The following RBFOX1 variants were observed in gnomAD, a reference collection of about 807,000 sequenced individuals.
RBFOX1 encodes RNA binding fox-1 homolog 1.
In RBFOX1, 8 loss-of-function variants were observed where a neutral mutation model predicts 57.7. That is an observed-to-expected ratio of 0.14 (90% CI 0.08 to 0.25). The LOEUF (loss-of-function observed/expected upper bound fraction) is 0.25, where lower values mean the gene tolerates loss of function less well. Among genes scored for constraint, RBFOX1 ranks in the 10% least tolerant of loss-of-function variants. RBFOX1 has a pLI of 1.00. For missense variants in RBFOX1, 611 were observed against 548.5 expected (o/e 1.11, Z -1.14); for synonymous variants, 326 against 222.4 (o/e 1.47, Z -4.15).
At chr16:6,883,579 G>C (rs1306102221) in intron 3 of RBFOX1, among the ~76,000 whole-genome samples, 5 of 152,188 alleles carry the variant, frequency 3.3e-5, no homozygotes, top group Non-Finnish European at 7.3e-5. Flanking sequence ...ACCTTTAAGA[G>C]AAAATATTGA....
At chr16:6,877,150 C>T (rs2061996400) in intron 3 of RBFOX1, among the ~76,000 whole-genome samples, 1 of 152,138 alleles carries the variant, frequency 6.6e-6, no homozygotes, top group African/African-American at 2.4e-5. Context: ...AACAAAAAAG[C>T]AGACGAATGA....
intron 4 of RBFOX1, among the ~76,000 whole-genome samples, chr16:5,920,183 C>G (rs561977515): frequency 6.6e-6 from 1 of 152,350 alleles, no homozygotes; most frequent in Non-Finnish European, 1.5e-5. Context: ...ATCCACCTGC[C>G]TTGGCCTCCC....
At chr16:6,742,322 T>C (rs1295663284) in intron 3 of RBFOX1, among the ~76,000 whole-genome samples, 1 of 152,174 alleles carries the variant, frequency 6.6e-6, no homozygotes, top group Non-Finnish European at 1.5e-5. Flanking sequence ...AAATTTAAGA[T>C]AGAAACTATC....
intron 4 of RBFOX1, among the ~76,000 whole-genome samples, chr16:7,143,691 T>C (rs909965384): frequency 6.6e-6 from 1 of 152,120 alleles, no homozygotes; most frequent in Non-Finnish European, 1.5e-5. Context: ...TCCTCAGCAT[T>C]AAAACTTCTC....
At chr16:6,656,841 CTTT>C (rs1388926708) in intron 3 of RBFOX1, among the ~76,000 whole-genome samples, 1 of 151,528 alleles carries the variant, frequency 6.6e-6, no homozygotes, top group South Asian at 2.1e-4. Context: ...TCTCTAAGGA[CTTT>C]TTTTAAAAAA....
intron 5 of RBFOX1, chr16:7,519,905 A>C (rs528185096): frequency 1.8e-5 from 4 of 227,576 alleles, no homozygotes; most frequent in African/African-American, 9.3e-5. Context: ...TGTTTTTTTG[A>C]GATGGGGTCT....
intron 3 of RBFOX1, among the ~76,000 whole-genome samples, chr16:6,935,495 A>G (rs1336934823): frequency 1.3e-5 from 2 of 152,246 alleles, no homozygotes; most frequent in East Asian, 1.9e-4. Flanking sequence ...AAGCCATTAC[A>G]TTTCAGGGTA....
chr16:6,852,722 G>T (rs557811659), intron 3 of RBFOX1, among the ~76,000 whole-genome samples: 1,745 of 146,820 alleles, frequency 0.012, 24 homozygotes, highest in Non-Finnish European at 0.019. Flanking sequence ...AGCGAGGCGT[G>T]GGCTGGGAAC....
At chr16:7,259,729 A>G (rs934515650) in intron 4 of RBFOX1, among the ~76,000 whole-genome samples, 6 of 152,224 alleles carry the variant, frequency 3.9e-5, no homozygotes, top group African/African-American at 9.6e-5. Context: ...ATGAACTTGT[A>G]GTAACAATGC....
chr16:7,641,527 A>G (rs909028370), intron 11 of RBFOX1, among the ~76,000 whole-genome samples: 1 of 152,212 alleles, frequency 6.6e-6, no homozygotes, highest in Non-Finnish European at 1.5e-5. Flanking sequence ...TTTGTATGCA[A>G]CATAGGCTCT....
chr16:6,572,828 A>C (rs901685315), intron 2 of RBFOX1, among the ~76,000 whole-genome samples: 1 of 152,046 alleles, frequency 6.6e-6, no homozygotes, highest in Non-Finnish European at 1.5e-5. Flanking sequence ...TCCTGACCTC[A>C]AGTGATCCAC....
chr16:6,871,963 T>TGTG lies in RBFOX1; in HGVS notation c.-15-180094_-15-180093insGTG, dbSNP rs2060984786. On this transcript the variant is annotated intron_variant, in intron 3 of 15. Coordinates refer to ENST00000550418, the MANE Select transcript of RBFOX1 (RefSeq NM_018723.4). ...TGTGTGTGTGTGTGTGTGTGTGTGT[T>TGTG]TCCCTCGGTAGAGTATGGGGATCTC... 2.5e-4 allele frequency among the ~76,000 whole-genome samples: 25 copies of TGTG among 98,252 alleles called. 1 individual carries two copies. The South Asian group carries it at 7.9e-3, about 31-fold the overall frequency. The allele number at this position is 98,252 out of a possible 152,430, so 64.5% of individuals were successfully genotyped here.
intron 3 of RBFOX1, among the ~76,000 whole-genome samples, chr16:6,824,655 T>G (rs2091864451): frequency 6.6e-6 from 1 of 152,142 alleles, no homozygotes; most frequent in South Asian, 2.1e-4. Flanking sequence ...TCAAAAGAGG[T>G]TCTTGGATTC....
intron 2 of RBFOX1, among the ~76,000 whole-genome samples, chr16:6,511,000 G>A (rs1353688994): frequency 1.3e-5 from 2 of 152,128 alleles, no homozygotes; most frequent in Admixed American, 6.5e-5. Flanking sequence ...ATGCTGTCAC[G>A]AGCTGTTAAA....
intron 4 of RBFOX1, among the ~76,000 whole-genome samples, chr16:7,053,624 A>C (rs1309793464): frequency 1.3e-5 from 2 of 152,204 alleles, no homozygotes; most frequent in Non-Finnish European, 2.9e-5. Context: ...CGCAGTAGGT[A>C]ATGAAGGACC....
At chr16:6,756,354 A>G (rs1000201916) in intron 3 of RBFOX1, among the ~76,000 whole-genome samples, 2 of 152,190 alleles carry the variant, frequency 1.3e-5, no homozygotes, top group Non-Finnish European at 2.9e-5. Flanking sequence ...ACCCAATACT[A>G]TAAAACTACT....
At chr16:7,580,897 G>C (rs2093708426) in intron 6 of RBFOX1, among the ~76,000 whole-genome samples, 1 of 152,160 alleles carries the variant, frequency 6.6e-6, no homozygotes, top group Non-Finnish European at 1.5e-5. Context: ...TAGAGCAATG[G>C]TGGGCTTCTC....
At chr16:6,380,613 T>C (rs2091713541) in intron 2 of RBFOX1, among the ~76,000 whole-genome samples, 1 of 151,832 alleles carries the variant, frequency 6.6e-6, no homozygotes, top group South Asian at 2.1e-4. Context: ...AGAGCATACT[T>C]AGGATATGTC....
chr16:5,780,513 A>T (rs2054291140), intron 3 of RBFOX1, among the ~76,000 whole-genome samples: 1 of 152,240 alleles, frequency 6.6e-6, no homozygotes, highest in East Asian at 1.9e-4. Context: ...CCATAGATAT[A>T]TACAGTGTGT....
Sources: allele counts gnomAD v4.1 joint callset (sites outside exome capture counted in the v4.1 genomes callset), GRCh38; gene constraint gnomAD v4.1.1; transcripts MANE v1.5; gene names NCBI Gene and HGNC (gene_info 2026-07-23, HGNC 2026-07-21).